Variants in PCDHGA6 observed in about 807,000 individuals in gnomAD.
PCDHGA6 encodes protocadherin gamma-A6.
A neutral mutation model predicts 60.6 loss-of-function variants in PCDHGA6; 41 were observed. The ratio of observed to expected loss-of-function variants is 0.68; its 90% CI spans 0.53 to 0.88. The LOEUF is 0.88. Ranked by LOEUF, PCDHGA6 falls within the 40% of genes least tolerant of loss-of-function variation. PCDHGA6 has a pLI of 0.00. For synonymous variants in PCDHGA6, 594 were observed against 524.4 expected (o/e 1.13, Z -1.81); for missense variants, 1,312 against 1,203.0 (o/e 1.09, Z -1.34).
intron 1 of PCDHGA6, among the ~76,000 whole-genome samples, chr5:141,444,862 A>G (rs781224880): frequency 1.8e-4 from 28 of 152,198 alleles, no homozygotes; most frequent in Non-Finnish European, 2.9e-4. Flanking sequence ...AAGTCTTACT[A>G]CAGGACAAAG....
chr5:141,426,317 C>A, intron 1 of PCDHGA6: 1 of 173,952 alleles, frequency 5.7e-6, no homozygotes, highest in African/African-American at 2.4e-5. Flanking sequence ...AGAAGCAGGA[C>A]CCGGCAGTGG....
intron 1 of PCDHGA6, among the ~76,000 whole-genome samples, chr5:141,442,717 C>T (rs918238654): frequency 1.3e-5 from 2 of 152,166 alleles, no homozygotes; most frequent in African/African-American, 2.4e-5. Flanking sequence ...CATGCCAGAG[C>T]ATTTGGGGCC....
rs750456402 is a variant in PCDHGA6, at chr5:141,375,590, T to C, written c.1507T>C (p.Ser503Pro). Residue 503 changes from serine to proline, a missense_variant, in exon 1 of 4, where the codon TCC (serine) becomes CCC (proline). Ser to Pro is a moderately conservative substitution (Grantham distance 74). Transcript: ENST00000517434. ...CACCCTCCAGGGGGCGCCCCTGTCC[T>C]CCTACGTGTCCATCAACTCCGACAC... ...EDTLQGAPLSSYVSINSDTGI... is the reference protein window; with the variant it reads ...EDTLQGAPLSPYVSINSDTGI... 6.2e-7 allele frequency: 1 copy of C among 1,614,162 alleles called. No individual in the cohort carries two copies. The highest frequency in any genetic ancestry group is 1.1e-5 in the South Asian group (1 of 91,082).
intron 1 of PCDHGA6, among the ~76,000 whole-genome samples, chr5:141,433,594 G>A (rs1331681563): frequency 1.3e-5 from 2 of 152,086 alleles, no homozygotes; most frequent in Admixed American, 1.3e-4. Context: ...CCAGTACTTT[G>A]GGAGGCCGAG....
At chr5:141,383,279 A>G in intron 1 of PCDHGA6, 7 of 1,613,948 alleles carry the variant, frequency 4.3e-6, no homozygotes, top group Non-Finnish European at 5.9e-6. Context: ...ATAGATATTA[A>G]TGACAACGTT....
chr5:141,393,465 G>T, intron 1 of PCDHGA6: 1 of 1,614,048 alleles, frequency 6.2e-7, no homozygotes, highest in Non-Finnish European at 8.5e-7. Context: ...CTCGGATGGC[G>T]GCAAGCCGCC....
Position 141,432,035 on chromosome 5 carries a change from G to T in PCDHGA6, c.2424+55528G>T. 1 of 1,614,218 alleles carries T rather than the reference G, an allele frequency of 6.2e-7. No homozygotes were observed. The highest frequency in any genetic ancestry group is 1.1e-5 in the South Asian group (1 of 91,066). On this transcript the variant is annotated intron_variant, in intron 1 of 3. Transcript: ENST00000517434. The surrounding 1 kb of genome is among the most constrained non-coding windows in gnomAD (Gnocchi z 6.0). ...CTACAACATCACAGTGACCGCCACT[G>T]ACCGGGGAACCCCGCCCCTATCCAC... is the stretch of plus-strand genomic sequence containing the variant.
At chr5:141,451,049 C>T (rs538627151) in intron 1 of PCDHGA6, among the ~76,000 whole-genome samples, 1 of 151,422 alleles carries the variant, frequency 6.6e-6, no homozygotes, top group African/African-American at 2.4e-5. Context: ...AGGCTGGTCT[C>T]GAACTCCTGA....
At chr5:141,422,880 G>T in intron 1 of PCDHGA6, 1 of 1,614,258 alleles carries the variant, frequency 6.2e-7, no homozygotes, top group East Asian at 2.2e-5. Flanking sequence ...CGCTGAGCCT[G>T]TTCGTGCTGG....
At chr5:141,415,116 A>T in intron 1 of PCDHGA6, 1 of 1,613,652 alleles carries the variant, frequency 6.2e-7, no homozygotes, top group Non-Finnish European at 8.5e-7. Flanking sequence ...AAAGCCTCGT[A>T]GTGGCCGTCC....
chr5:141,472,159 A>G (rs1020175900), intron 1 of PCDHGA6, among the ~76,000 whole-genome samples: 1 of 152,246 alleles, frequency 6.6e-6, no homozygotes, highest in Non-Finnish European at 1.5e-5. Context: ...TTACATAGCT[A>G]CTAGGTGTAA....
chr5:141,478,461 T>C, intron 1 of PCDHGA6: 1 of 1,613,254 alleles, frequency 6.2e-7, no homozygotes, highest in East Asian at 2.2e-5. Flanking sequence ...GCCAGTCCAC[T>C]GGCCAGCCGC....
chr5:141,511,391 C>G lies in PCDHGA6; in HGVS notation c.*218C>G. ...TGCAAAAGCAGTTCCGCTGGGAACC[C>G]CCATCCAATCAACTGCTGTACCCAT... is the stretch of plus-strand genomic sequence containing the variant. On this transcript the variant is annotated 3_prime_UTR_variant, in exon 4 of 4. Coordinates refer to ENST00000517434, the MANE Select transcript of PCDHGA6 (RefSeq NM_018919.3). 2.8e-6 allele frequency: 3 copies of G among 1,079,748 alleles called. No homozygotes were observed. The highest frequency in any genetic ancestry group is 3.3e-5 in the South Asian group (2 of 60,136). The allele number at this position is 1,079,748 out of a possible 1,614,324, so 66.9% of individuals were successfully genotyped here. A position where few individuals can be genotyped will look rare whatever the true frequency, so the allele number is the denominator to read the frequency against.
chr5:141,415,041 G>T, intron 1 of PCDHGA6: 1 of 1,613,530 alleles, frequency 6.2e-7, no homozygotes, highest in Non-Finnish European at 8.5e-7. Flanking sequence ...GACTCTTCGC[G>T]GTGGGGGAGC....
intron 1 of PCDHGA6, chr5:141,430,634 C>G: frequency 1.1e-6 from 1 of 882,730 alleles, no homozygotes; most frequent in Non-Finnish European, 1.7e-6. Flanking sequence ...TGAACCATCC[C>G]TGGGAGTATG....
At chr5:141,413,299 G>T in intron 1 of PCDHGA6, 1 of 1,613,966 alleles carries the variant, frequency 6.2e-7, no homozygotes, top group Non-Finnish European at 8.5e-7. Flanking sequence ...AATTCCTGAG[G>T]AATTAGAGAA....
intron 1 of PCDHGA6, chr5:141,404,334 T>TC: frequency 6.2e-7 from 1 of 1,613,882 alleles, no homozygotes; most frequent in Non-Finnish European, 8.5e-7. Context: ...TCAGTCTACC[T>TC]CCCGGAAAAC....
Position 141,490,121 on chromosome 5 carries a change from G to A in PCDHGA6, c.2425-4686G>A. On this transcript the variant is annotated intron_variant, in intron 1 of 3. Coordinates refer to ENST00000517434, the MANE Select transcript of PCDHGA6 (RefSeq NM_018919.3). The surrounding 1 kb of genome is among the most constrained non-coding windows in gnomAD (Gnocchi z 5.4). Reference sequence around the variant, plus strand: ...TCTGAGGCAGTGCGGAACCTCTTTGGCCTAGACCCTAGCAGTGGGGCAATC... The same window carrying A: ...TCTGAGGCAGTGCGGAACCTCTTTGACCTAGACCCTAGCAGTGGGGCAATC... 1 of 1,614,256 alleles carries A rather than the reference G, an allele frequency of 6.2e-7. No individual in the cohort carries two copies. Among genetic ancestry groups the A allele is most frequent in the Non-Finnish European group, 8.5e-7 (1 of 1,180,052 alleles).
chr5:141,389,887 A>T (rs1473090410), intron 1 of PCDHGA6: 2 of 1,613,940 alleles, frequency 1.2e-6, no homozygotes, highest in South Asian at 1.1e-5. Flanking sequence ...AGCTTGCAGG[A>T]GGTGCTGCCG....
Sources: gnomAD v4.1 joint callset for allele counts (sites outside exome capture counted in the v4.1 genomes callset) on GRCh38, gnomAD v4.1.1 for gene constraint, Gnocchi (gnomAD v3.1) non-coding constraint, MANE v1.5 for transcripts, NCBI Gene and HGNC (gene_info 2026-07-23, HGNC 2026-07-21) for gene names.